The following ARID5B variants were observed in gnomAD, a reference collection of about 807,000 sequenced individuals.
The protein encoded by ARID5B is AT-rich interaction domain 5B, also known as AT-rich interactive domain-containing protein 5B.
A neutral mutation model predicts 97.2 loss-of-function variants in ARID5B; 13 were observed. The observed-to-expected ratio is 0.13, with a 90% CI of 0.09 to 0.21. The LOEUF (loss-of-function observed/expected upper bound fraction) is 0.21, where lower values mean the gene tolerates loss of function less well. Among genes scored for constraint, ARID5B ranks in the 10% least tolerant of loss-of-function variants. ARID5B has a pLI of 1.00. For synonymous variants in ARID5B, 556 were observed against 570.3 expected (o/e 0.97, Z 0.36); for missense variants, 1,210 against 1,465.3 (o/e 0.83, Z 2.84).
At chr10:61,961,948 C>T (rs996911921) in intron 3 of ARID5B, among the ~76,000 whole-genome samples, 3 of 152,160 alleles carry the variant, frequency 2.0e-5, no homozygotes, top group Non-Finnish European at 2.9e-5. Flanking sequence ...AGGGTTTCAC[C>T]GTGTTAGCCA....
At chr10:62,061,041 A>G (rs1172765324) in intron 7 of ARID5B, among the ~76,000 whole-genome samples, 1 of 152,250 alleles carries the variant, frequency 6.6e-6, no homozygotes, top group Non-Finnish European at 1.5e-5. Context: ...ATGAATGACC[A>G]CACAATCAGC....
intron 3 of ARID5B, among the ~76,000 whole-genome samples, chr10:61,989,568 A>T (rs1838894030): frequency 6.6e-6 from 1 of 152,240 alleles, no homozygotes; most frequent in Non-Finnish European, 1.5e-5. Context: ...ATATGATTTG[A>T]TAAAAATCTG....
chr10:61,947,558 CT>C (rs145871246), intron 3 of ARID5B, among the ~76,000 whole-genome samples: 73,652 of 151,542 alleles, frequency 0.49, 17,966 homozygotes, highest in Non-Finnish European at 0.52. Context: ...GTGTGAGCCA[CT>C]GTGTCCAACC....
At chr10:62,070,402 G>A (rs531269144) in intron 8 of ARID5B, among the ~76,000 whole-genome samples, 59 of 152,212 alleles carry the variant, frequency 3.9e-4, no homozygotes, top group African/African-American at 1.3e-3. Flanking sequence ...TGGATTTCCC[G>A]TTTGCATTAG....
At chr10:61,906,932 T>C (rs7922394) in intron 2 of ARID5B, among the ~76,000 whole-genome samples, 62,995 of 152,080 alleles carry the variant, frequency 0.41, 13,310 homozygotes, top group Non-Finnish European at 0.46. Flanking sequence ...ATATGTAAAA[T>C]GCATATGCCC....
At chr10:61,953,426 G>C (rs1838349955) in intron 3 of ARID5B, among the ~76,000 whole-genome samples, 1 of 152,062 alleles carries the variant, frequency 6.6e-6, no homozygotes, top group Non-Finnish European at 1.5e-5. Flanking sequence ...TTTCACATGT[G>C]CGGCCTGTAT....
chr10:62,022,505 G>C (rs1589261951), intron 4 of ARID5B, among the ~76,000 whole-genome samples: 1 of 152,274 alleles, frequency 6.6e-6, no homozygotes. Context: ...GATTCAGTCG[G>C]TGAGGTAGAG....
chr10:61,984,687 G>A (rs1428673006), intron 3 of ARID5B, among the ~76,000 whole-genome samples: 3 of 152,332 alleles, frequency 2.0e-5, no homozygotes, highest in African/African-American at 7.2e-5. Context: ...ATGCATGAGC[G>A]CAGCCTCGCT....
intron 4 of ARID5B, among the ~76,000 whole-genome samples, chr10:62,021,507 A>G (rs894216933): frequency 6.6e-6 from 1 of 152,190 alleles, no homozygotes; most frequent in Non-Finnish European, 1.5e-5. Flanking sequence ...ACCTAAATTC[A>G]TCTTCTATAA....
intron 2 of ARID5B, among the ~76,000 whole-genome samples, chr10:61,903,305 G>T (rs1843650100): frequency 6.6e-6 from 1 of 151,974 alleles, no homozygotes; most frequent in Admixed American, 6.5e-5. Flanking sequence ...ACGTTTCTGG[G>T]CGGCCGCGGG....
chr10:61,905,985 C>T (rs1241761047), intron 2 of ARID5B, among the ~76,000 whole-genome samples: 1 of 152,122 alleles, frequency 6.6e-6, no homozygotes, highest in African/African-American at 2.4e-5. Context: ...TCAAGAAAGT[C>T]ACATTTTGAT....
intron 2 of ARID5B, among the ~76,000 whole-genome samples, chr10:61,915,086 C>T (rs1162890467): frequency 1.3e-5 from 2 of 152,142 alleles, no homozygotes; most frequent in African/African-American, 4.8e-5. Flanking sequence ...TGACTGATAC[C>T]CAGATAATAG....
At chr10:62,022,820 A>C (rs531020064) in intron 4 of ARID5B, among the ~76,000 whole-genome samples, 1 of 152,316 alleles carries the variant, frequency 6.6e-6, no homozygotes, top group South Asian at 2.1e-4. Context: ...GTAAATTGAA[A>C]ACAAACCAAA....
chr10:62,022,842 C>T (rs909178330), intron 4 of ARID5B, among the ~76,000 whole-genome samples: 2 of 152,198 alleles, frequency 1.3e-5, no homozygotes, highest in Non-Finnish European at 2.9e-5. Flanking sequence ...AAAATCTCCT[C>T]ATTGTGAACG....
chr10:62,054,444 T>C (rs1003031715), intron 5 of ARID5B, among the ~76,000 whole-genome samples: 2 of 152,142 alleles, frequency 1.3e-5, no homozygotes, highest in African/African-American at 4.8e-5. Context: ...TGTTTACTTG[T>C]TCACTTCTTA....
Position 61,940,244 on chromosome 10 carries a change from T to C in ARID5B, c.338T>C (p.Val113Ala), listed in dbSNP as rs1435659549. 6.2e-7 allele frequency: 1 copy of C among 1,614,186 alleles called. No homozygotes were observed. The highest frequency in any genetic ancestry group is 1.7e-5 in the Admixed American group (1 of 60,020). ...IVKLEDLVKW[V>A]HSDFSKWRCG... ...AAGCTTGAAGACCTGGTCAAGTGGG[T>C]ACATTCTGATTTCTCCAAGTGGAGA... is the stretch of plus-strand genomic sequence containing the variant. The change falls in exon 3 of 10, where the codon GTA becomes GCA. Residue 113 changes from valine (V) to alanine (A), a missense_variant. Val to Ala is a moderately conservative substitution (Grantham distance 64). Transcript: ENST00000279873.
At chr10:62,007,206 T>C (rs1243306369) in intron 4 of ARID5B, among the ~76,000 whole-genome samples, 3 of 152,194 alleles carry the variant, frequency 2.0e-5, no homozygotes, top group African/African-American at 7.2e-5. Flanking sequence ...GCCTCCTTGA[T>C]AAATGAAGAT....
intron 2 of ARID5B, among the ~76,000 whole-genome samples, chr10:61,922,463 C>T (rs1844033395): frequency 6.6e-6 from 1 of 152,234 alleles, no homozygotes; most frequent in Non-Finnish European, 1.5e-5. Flanking sequence ...ATTAGCTGGG[C>T]GTGGTGGCAC....
chr10:62,012,958 T>C (rs1210559459), intron 4 of ARID5B, among the ~76,000 whole-genome samples: 1 of 152,200 alleles, frequency 6.6e-6, no homozygotes, highest in Non-Finnish European at 1.5e-5. Flanking sequence ...ATTAATACTA[T>C]AACAAACATC....
Sources: allele counts gnomAD v4.1 joint callset (sites outside exome capture counted in the v4.1 genomes callset), GRCh38; gene constraint gnomAD v4.1.1; transcripts MANE v1.5; gene names NCBI Gene and HGNC (gene_info 2026-07-23, HGNC 2026-07-21).